Variants in CNOT6L observed in about 807,000 individuals in gnomAD.
CNOT6L encodes the protein CCR4-NOT transcription complex subunit 6 like, also known as CCR4-NOT transcription complex subunit 6-like.
In CNOT6L, 7 loss-of-function variants were observed where a neutral mutation model predicts 64.0. That is an observed-to-expected ratio of 0.11 (90% CI 0.06 to 0.21). The LOEUF is 0.21. Among genes scored for constraint, CNOT6L ranks in the 10% least tolerant of loss-of-function variants. The pLI is 1.00. For missense variants in CNOT6L, 245 were observed against 669.0 expected, an observed-to-expected ratio of 0.37 and a Z score of 6.99; for synonymous variants, 193 against 243.4, an observed-to-expected ratio of 0.79 and a Z score of 1.93.
At chr4:77,744,925 C>T (rs763842954) in intron 6 of CNOT6L, 50 bp from the exon 7 acceptor site, 3 of 1,522,270 alleles carry the variant, frequency 2.0e-6, no homozygotes, top group Non-Finnish European at 1.8e-6. Flanking sequence ...AATTAGGCAA[C>T]TTTTTCTAAA....
rs1385721781 is a variant in CNOT6L, at chr4:77,716,259, C to T, written c.*4172G>A. On this transcript the variant is annotated 3_prime_UTR_variant, in exon 12 of 12. Transcript: ENST00000504123. ...TGCTTGCTATAAAAACCATTATTTT[C>T]CAAAAACTGGTCAGCATATTTTGCA... The T allele has an allele frequency of 6.6e-6, 1 of 151,966 alleles. No homozygotes were observed. The highest frequency in any genetic ancestry group is 1.5e-5 in the Non-Finnish European group (1 of 67,964). 9.4% of individuals were successfully genotyped at this position (151,966 alleles called of 1,614,324 possible).
At chr4:77,745,578 A>T (rs1724102972) in intron 6 of CNOT6L, among the ~76,000 whole-genome samples, 1 of 152,218 alleles carries the variant, frequency 6.6e-6, no homozygotes, top group Non-Finnish European at 1.5e-5. Context: ...GTGCAATTTA[A>T]CAAAATCTCC....
rs1480214886 is a variant in CNOT6L, at chr4:77,716,571, GA to G, written c.*3859del. ...TCACCCATTTAACAATATAAACTTA[GA>G]ATTTTAAAATGGAACACTATATTTG... On this transcript the variant is annotated 3_prime_UTR_variant, in exon 12 of 12. Transcript: ENST00000504123. 1 of 152,072 alleles carries G rather than the reference GA, an allele frequency of 6.6e-6. No individual in the cohort carries two copies. The highest frequency in any genetic ancestry group is 1.5e-5 in the Non-Finnish European group (1 of 67,986). 9.4% of individuals were successfully genotyped at this position (152,072 alleles called of 1,614,324 possible).
chr4:77,777,719 C>G (rs1728310748), intron 1 of CNOT6L, among the ~76,000 whole-genome samples: 1 of 152,152 alleles, frequency 6.6e-6, no homozygotes, highest in Non-Finnish European at 1.5e-5. Context: ...GAATCTGGAA[C>G]TGTTTCCAAG....
intron 2 of CNOT6L, among the ~76,000 whole-genome samples, chr4:77,775,444 A>G (rs992215079): frequency 6.6e-6 from 1 of 152,208 alleles, no homozygotes; most frequent in African/African-American, 2.4e-5. Flanking sequence ...TAATAATTTT[A>G]GATTTACAGA....
At chr4:77,736,865 TTAATA>T (rs1423482131) in intron 8 of CNOT6L, among the ~76,000 whole-genome samples, 1 of 152,116 alleles carries the variant, frequency 6.6e-6, no homozygotes, top group African/African-American at 2.4e-5. Context: ...AGAACATATA[TTAATA>T]TAATAAAGAC....
intron 1 of CNOT6L, among the ~76,000 whole-genome samples, chr4:77,792,068 C>G (rs942801213): frequency 2.6e-5 from 4 of 152,048 alleles, no homozygotes; most frequent in African/African-American, 9.7e-5. Context: ...TTTATAAATG[C>G]CCATGGATAA....
At chr4:77,768,477 AT>A (rs1317478236) in intron 4 of CNOT6L, among the ~76,000 whole-genome samples, 404 of 3,126 alleles carry the variant, frequency 0.13, 6 homozygotes, top group Middle Eastern at 0.42. Context: ...ATAAATAAAT[AT>A]ATATATATAT....
rs1398606966 is a variant in CNOT6L at position 77,774,825 on chromosome 4, G to GT, written c.128-110dup. 3 of 605,520 alleles carry GT rather than the reference G, an allele frequency of 5.0e-6. No homozygotes were observed. In the African/African-American group the frequency reaches 5.8e-5, roughly 12 times the overall value. The allele number at this position is 605,520 out of a possible 1,614,324, so 37.5% of individuals were successfully genotyped here. A position where few individuals can be genotyped will look rare whatever the true frequency, so the allele number is the denominator to read the frequency against. On this transcript the variant is annotated intron_variant, in intron 2 of 11. Coordinates refer to ENST00000504123, the MANE Select transcript of CNOT6L (RefSeq NM_144571.3). The stretch of plus-strand genomic sequence containing the variant: ...GAGGCTGCAAATACACATGGATATT[G>GT]TATCTCTGACATTTTAATTTTTTAT...
At chr4:77,792,725 T>TG (rs1730311525) in intron 1 of CNOT6L, among the ~76,000 whole-genome samples, 1 of 124,116 alleles carries the variant, frequency 8.1e-6, no homozygotes, top group East Asian at 2.3e-4. Context: ...GACTCTGCCT[T>TG]AAAAAAAAAA....
intron 1 of CNOT6L, among the ~76,000 whole-genome samples, chr4:77,810,063 T>G (rs6533272): frequency 0.86 from 131,157 of 152,042 alleles, 56,819 homozygotes; most frequent in Non-Finnish European, 0.9. Context: ...GGACTAAAAA[T>G]AATGAAAACT....
chr4:77,722,468 C>T (rs1721382819), intron 11 of CNOT6L, among the ~76,000 whole-genome samples: 1 of 152,068 alleles, frequency 6.6e-6, no homozygotes, highest in Non-Finnish European at 1.5e-5. Context: ...GAGGTCAAGG[C>T]CCAAGAATTG....
In CNOT6L at chr4:77,715,075, G is replaced by A. The variant is rs1720605997; in HGVS notation, c.*5356C>T. ...ATGAGCAAGAAAGGACCACTTCTGA[G>A]AGGGTTACCATGATTCTTACGCTTT... On this transcript the variant is annotated 3_prime_UTR_variant, in exon 12 of 12. Transcript: ENST00000504123. 6.6e-6 allele frequency: 1 copy of A among 152,126 alleles called. No homozygotes were observed. The highest frequency in any genetic ancestry group is 1.5e-5 in the Non-Finnish European group (1 of 68,012). The allele number at this position is 152,126 out of a possible 1,614,324, so 9.4% of individuals were successfully genotyped here.
At chr4:77,812,677 C>T (rs952442117) in intron 1 of CNOT6L, among the ~76,000 whole-genome samples, 3 of 151,894 alleles carry the variant, frequency 2.0e-5, no homozygotes, top group Non-Finnish European at 2.9e-5. Context: ...CACTTAAAGA[C>T]GATCTAAATA....
chr4:77,769,981 T>C (rs950102914), intron 4 of CNOT6L, among the ~76,000 whole-genome samples: 2 of 152,168 alleles, frequency 1.3e-5, no homozygotes, highest in East Asian at 3.8e-4. Flanking sequence ...TGTATGAGAA[T>C]TGCTTCTACT....
At chr4:77,808,014 T>C (rs1732451742) in intron 1 of CNOT6L, among the ~76,000 whole-genome samples, 2 of 152,026 alleles carry the variant, frequency 1.3e-5, no homozygotes, top group Admixed American at 1.3e-4. Context: ...CAGCAAAGAA[T>C]GGTTTTTACA....
intron 4 of CNOT6L, among the ~76,000 whole-genome samples, chr4:77,758,297 C>A (rs749656237): frequency 1.3e-5 from 2 of 152,066 alleles, no homozygotes; most frequent in Non-Finnish European, 1.5e-5. Context: ...GGGGAAAAAA[C>A]TCTTGATGAA....
chr4:77,720,745 T>A (rs1421102216), intron 11 of CNOT6L, 102 bp from the exon 12 acceptor site: 2 of 1,142,404 alleles, frequency 1.8e-6, no homozygotes, highest in African/African-American at 3.1e-5. Context: ...TTTCTTCTGG[T>A]ACCTGTTGTC....
intron 1 of CNOT6L, among the ~76,000 whole-genome samples, chr4:77,778,714 G>C (rs998010910): frequency 6.6e-6 from 1 of 151,514 alleles, no homozygotes; most frequent in Non-Finnish European, 1.5e-5. Context: ...ACAGGCGTGA[G>C]CCACGGCACC....
Sources: allele counts gnomAD v4.1 joint callset (sites outside exome capture counted in the v4.1 genomes callset), GRCh38; gene constraint gnomAD v4.1.1; transcripts MANE v1.5; gene names NCBI Gene and HGNC (gene_info 2026-07-23, HGNC 2026-07-21).